PRDM10: variants seen among roughly 807,000 people sequenced by gnomAD.
PRDM10 encodes PR/SET domain 10, also known as PR domain zinc finger protein 10.
In PRDM10, 65 loss-of-function variants were observed where a neutral mutation model predicts 133.1. The ratio of observed to expected loss-of-function variants is 0.49; its 90% CI spans 0.40 to 0.60. The LOEUF is 0.60. PRDM10 is among the 20% of genes least tolerant of loss of function. PRDM10 has a pLI of 0.00. For missense variants in PRDM10, 1,137 were observed against 1,507.1 expected (o/e 0.75, Z 4.07); for synonymous variants, 582 against 580.4 (o/e 1.00, Z -0.04).
intron 7 of PRDM10, among the ~76,000 whole-genome samples, chr11:129,938,053 A>G (rs1241610638): frequency 2.6e-5 from 4 of 152,086 alleles, no homozygotes; most frequent in African/African-American, 4.8e-5. Flanking sequence ...GGGGTCACCA[A>G]TGACACCTTC....
In PRDM10 at chr11:129,929,480, C is replaced by A. The variant is rs767778828; in HGVS notation, c.1530+1536G>T. 24 of 1,469,582 alleles carry A rather than the reference C, an allele frequency of 1.6e-5. No individual in the cohort carries two copies. In the Admixed American group the frequency reaches 2.1e-4, roughly 13 times the overall value. 91.0% of individuals were successfully genotyped at this position (1,469,582 alleles called of 1,614,324 possible). A position where few individuals can be genotyped will look rare whatever the true frequency, so the allele number is the denominator to read the frequency against. ...TTACATTACCAATTGGATTGGAAGA[C>A]TTCCCTTCAGTTGGTCATTACCAAT... On this transcript the variant is annotated intron_variant, in intron 11 of 20. Transcript: ENST00000360871.
At chr11:129,970,539 C>T (rs1951997017) in intron 1 of PRDM10, among the ~76,000 whole-genome samples, 1 of 151,386 alleles carries the variant, frequency 6.6e-6, no homozygotes, top group Admixed American at 6.6e-5. Context: ...AACAATCATA[C>T]CCAACCTTTT....
rs1387077999 is a variant in PRDM10, at chr11:129,918,386, T to C, written c.2214+153A>G. Among the ~76,000 whole-genome samples, 2 of 151,914 alleles carry C rather than the reference T, an allele frequency of 1.3e-5. No individual in the cohort carries two copies. Among genetic ancestry groups the C allele is most frequent in the African/African-American group, 2.4e-5 (1 of 41,322 alleles). On this transcript the variant is annotated intron_variant, in intron 14 of 20. Transcript: ENST00000360871. This position sits in a 1 kb window ranked among gnomAD's most constrained non-coding sequence, Gnocchi z 5.3. ...AGACTAGAAAAGACAGAACTCCAAA[T>C]TGGGAATCGTTTGCCTCTGTTTCTT...
At chr11:129,912,964 GCA>G (rs1950236609) in intron 17 of PRDM10, among the ~76,000 whole-genome samples, 1 of 151,684 alleles carries the variant, frequency 6.6e-6, no homozygotes, top group Admixed American at 6.6e-5. Context: ...GGAGGCTAAG[GCA>G]GAAGAATCAC....
rs1325319479 is a variant in PRDM10 at position 129,900,748 on chromosome 11, C to A, written c.*1565G>T. 5.9e-5 allele frequency: 9 copies of A among 152,124 alleles called. No homozygotes were observed. Among genetic ancestry groups the A allele is most frequent in the African/African-American group, 1.7e-4 (7 of 41,400 alleles). 9.4% of individuals were successfully genotyped at this position (152,124 alleles called of 1,614,324 possible). On this transcript the variant is annotated 3_prime_UTR_variant, in exon 21 of 21. Transcript: ENST00000360871. ...TGAATATCTTTGTCACAAAGAGAGT[C>A]CATTTTCAGTTTCCATATGTTTATG...
At chr11:129,938,972 C>G (rs1027513647) in intron 7 of PRDM10, among the ~76,000 whole-genome samples, 1 of 152,192 alleles carries the variant, frequency 6.6e-6, no homozygotes, top group East Asian at 1.9e-4. Flanking sequence ...CCCACAAGTG[C>G]TGGGCTCTTT....
At chr11:129,989,202 G>T (rs1406726695) in intron 1 of PRDM10, among the ~76,000 whole-genome samples, 1 of 152,160 alleles carries the variant, frequency 6.6e-6, no homozygotes, top group Non-Finnish European at 1.5e-5. Flanking sequence ...CACTTTGGGA[G>T]GCTGAGGGGG....
intron 1 of PRDM10, among the ~76,000 whole-genome samples, chr11:129,994,976 T>C (rs1387665822): frequency 1.3e-5 from 2 of 152,230 alleles, no homozygotes; most frequent in African/African-American, 2.4e-5. Flanking sequence ...TTAAAATGTA[T>C]AAATGAAACA....
intron 1 of PRDM10, among the ~76,000 whole-genome samples, chr11:129,982,482 G>A (rs188506793): frequency 2.0e-5 from 3 of 152,066 alleles, no homozygotes; most frequent in Admixed American, 2.0e-4. Flanking sequence ...TATTTATGAT[G>A]TAGAAAGATA....
intron 1 of PRDM10, among the ~76,000 whole-genome samples, chr11:129,975,413 G>A (rs1202298526): frequency 3.3e-5 from 5 of 150,092 alleles, no homozygotes; most frequent in Non-Finnish European, 7.4e-5. Flanking sequence ...TAACAGGCGC[G>A]AATCTCCATC....
Position 130,002,763 on chromosome 11 carries a change from G to C in PRDM10, c.-160C>G, listed in dbSNP as rs1212648065. ...GGAGCTGGAAGATCAGCGGGTCCCC[G>C]ATCCTCTCTCCCTAGGGGTGATAGA... On this transcript the variant is annotated 5_prime_UTR_variant, in exon 1 of 21. In the 5' UTR this introduces an upstream ATG that the reference lacks. Transcript: ENST00000360871. 6.1e-6 allele frequency: 1 copy of C among 164,936 alleles called. No homozygotes were observed. The highest frequency in any genetic ancestry group is 1.3e-5 in the Non-Finnish European group (1 of 74,690). The allele number at this position is 164,936 out of a possible 1,614,324, so 10.2% of individuals were successfully genotyped here. A position where few individuals can be genotyped will look rare whatever the true frequency, so the allele number is the denominator to read the frequency against.
intron 1 of PRDM10, among the ~76,000 whole-genome samples, chr11:129,989,014 C>A (rs1039563437): frequency 6.6e-5 from 10 of 152,132 alleles, no homozygotes; most frequent in Non-Finnish European, 1.5e-4. Context: ...GAGAGACAAG[C>A]CTCAAACAGT....
chr11:129,989,212 G>T (rs1181010721), intron 1 of PRDM10, among the ~76,000 whole-genome samples: 1 of 152,140 alleles, frequency 6.6e-6, no homozygotes, highest in Non-Finnish European at 1.5e-5. Context: ...GGCTGAGGGG[G>T]GATGATGGCT....
At chr11:129,938,472 T>TA (rs2135845311) in intron 7 of PRDM10, among the ~76,000 whole-genome samples, 1 of 152,330 alleles carries the variant, frequency 6.6e-6, no homozygotes, top group East Asian at 1.9e-4. Flanking sequence ...CTTGCTTCTA[T>TA]ATGCCTTTAG....
chr11:129,967,204 C>A (rs983094866), intron 1 of PRDM10, among the ~76,000 whole-genome samples: 10 of 152,092 alleles, frequency 6.6e-5, no homozygotes, highest in African/African-American at 2.4e-4. Flanking sequence ...GCCTGGCCAA[C>A]ATGGTGAAAC....
In PRDM10 at chr11:129,918,252, G is replaced by C. The variant is rs1243789123; in HGVS notation, c.2214+287C>G. 6.6e-6 allele frequency among the ~76,000 whole-genome samples: 1 copy of C among 150,498 alleles called. No homozygotes were observed. Among genetic ancestry groups the C allele is most frequent in the African/African-American group, 2.5e-5 (1 of 40,812 alleles). On this transcript the variant is annotated intron_variant, in intron 14 of 20. Transcript: ENST00000360871. This position sits in a 1 kb window ranked among gnomAD's most constrained non-coding sequence, Gnocchi z 5.3. ...TAAGGTGAGAGCAGAGATTGAGATGGGTAAAGAAAAACAAAAGTAGTAATG... is the reference window on the plus strand; with the variant it reads ...TAAGGTGAGAGCAGAGATTGAGATGCGTAAAGAAAAACAAAAGTAGTAATG...
intron 20 of PRDM10, among the ~76,000 whole-genome samples, chr11:129,904,395 CATT>C (rs1949946672): frequency 6.6e-6 from 1 of 152,080 alleles, no homozygotes; most frequent in South Asian, 2.1e-4. Flanking sequence ...GTGGCAAAAA[CATT>C]ATCTATACTA....
At chr11:129,902,560 A>C in intron 20 of PRDM10, 44 bp from the exon 21 acceptor site, 1 of 1,587,066 alleles carries the variant, frequency 6.3e-7, no homozygotes, top group Non-Finnish European at 8.6e-7. Flanking sequence ...GGGGCCTTAA[A>C]GGGAGGGTGA....
At position 129,902,193 on chromosome 11, in the gene PRDM10, T is replaced by C. The variant is rs548597814; in HGVS notation, c.*120A>G. 2.9e-6 allele frequency: 4 copies of C among 1,365,572 alleles called. No individual in the cohort carries two copies. In the Admixed American group the frequency reaches 9.6e-5, roughly 33 times the overall value. 84.6% of individuals were successfully genotyped at this position (1,365,572 alleles called of 1,614,324 possible). On this transcript the variant is annotated 3_prime_UTR_variant, in exon 21 of 21. Coordinates refer to ENST00000360871, the MANE Select transcript of PRDM10 (RefSeq NM_199437.2). Reference sequence around the variant, plus strand: ...CCAGTGTATGGATGAGAGACAAAACTGTGGTTTCCGAACTCTTGAGTGAAT... The same window carrying C: ...CCAGTGTATGGATGAGAGACAAAACCGTGGTTTCCGAACTCTTGAGTGAAT...
Sources: gnomAD v4.1 joint callset for allele counts (sites outside exome capture counted in the v4.1 genomes callset) on GRCh38, gnomAD v4.1.1 for gene constraint, Gnocchi (gnomAD v3.1) non-coding constraint, MANE v1.5 for transcripts, NCBI Gene and HGNC (gene_info 2026-07-23, HGNC 2026-07-21) for gene names.